Variants in ACOT7 observed in about 807,000 individuals in gnomAD.
ACOT7 encodes cytosolic acyl coenzyme A thioester hydrolase.
ACOT7 carries 12 observed loss-of-function variants against 40.2 expected under a neutral mutation model. The ratio of observed to expected loss-of-function variants is 0.30; its 90% confidence interval spans 0.19 to 0.48. The LOEUF (loss-of-function observed/expected upper bound fraction) is 0.48. Among genes scored for constraint, ACOT7 ranks in the 20% least tolerant of loss-of-function variants. The probability of loss-of-function intolerance (pLI) is 0.99; values close to 1 mark genes in which losing one functional copy is unlikely to be tolerated. For missense variants in ACOT7, 395 were observed against 530.8 expected (o/e 0.74, Z 2.51); for synonymous variants, 228 against 219.5 (o/e 1.04, Z -0.34).
rs1337091290 is a variant in ACOT7 at position 6,330,621 on chromosome 1, G to A, written c.510+2856C>T. On this transcript the variant is annotated intron_variant, in intron 4 of 8. Transcript: ENST00000361521. This position sits in a 1 kb window ranked among gnomAD's most constrained non-coding sequence, Gnocchi z 4.6. ...CAACTGGGAGCTCCTCCAGGATGTGGGAGGGAGGGAGCTAATTACTGGGCA... is the reference window on the plus strand; with the variant it reads ...CAACTGGGAGCTCCTCCAGGATGTGAGAGGGAGGGAGCTAATTACTGGGCA... 6.6e-6 allele frequency among the ~76,000 whole-genome samples: 1 copy of A among 152,202 alleles called. No individual in the cohort carries two copies. The highest frequency in any genetic ancestry group is 1.9e-4 in the East Asian group (1 of 5,186).
intron 8 of ACOT7, among the ~76,000 whole-genome samples, chr1:6,265,344 G>A (rs998820058): frequency 6.6e-6 from 1 of 152,212 alleles, no homozygotes; most frequent in Non-Finnish European, 1.5e-5. Context: ...CCAGCGAGAA[G>A]TGGGCAGATG....
rs576797933 is a variant in ACOT7, at chr1:6,305,454, C to T, written c.713-10474G>A. Among the ~76,000 whole-genome samples the T allele has an allele frequency of 6.9e-4, 105 of 151,602 alleles. 1 individual carries two copies. In the South Asian group the frequency reaches 0.02, roughly 29 times the overall value. On this transcript the variant is annotated intron_variant, in intron 6 of 8. Coordinates refer to ENST00000361521, the MANE Select transcript of ACOT7 (RefSeq NM_007274.4). ...GGACGGGGTGGCTGCCGGGTGGAGACGCTCCTCACTTCCCAGACGGGGTGG... is the reference window on the plus strand; with the variant it reads ...GGACGGGGTGGCTGCCGGGTGGAGATGCTCCTCACTTCCCAGACGGGGTGG...
At chr1:6,384,660 A>G (rs1476691180) in intron 1 of ACOT7, among the ~76,000 whole-genome samples, 1 of 151,754 alleles carries the variant, frequency 6.6e-6, no homozygotes, top group African/African-American at 2.4e-5. Flanking sequence ...GAAAGCGCTA[A>G]CCCGCTAATC....
intron 3 of ACOT7, among the ~76,000 whole-genome samples, chr1:6,336,550 G>C (rs925093662): frequency 3.4e-4 from 52 of 152,084 alleles, no homozygotes; most frequent in African/African-American, 1.3e-3. Flanking sequence ...AGGTAAAGGG[G>C]ACACACAGAA....
chr1:6,336,742 G>A (rs1174295906), intron 3 of ACOT7, among the ~76,000 whole-genome samples: 1 of 147,434 alleles, frequency 6.8e-6, no homozygotes, highest in African/African-American at 2.7e-5. Flanking sequence ...AGTGTGCCAG[G>A]CACTGTTCTT....
At chr1:6,353,506 C>A (rs1244342611) in intron 1 of ACOT7, among the ~76,000 whole-genome samples, 1 of 152,060 alleles carries the variant, frequency 6.6e-6, no homozygotes, top group Non-Finnish European at 1.5e-5. Context: ...TGGTGGTACA[C>A]ACCTGCAATC....
Position 6,350,388 on chromosome 1 carries a change from C to T in ACOT7, c.144-522G>A, listed in dbSNP as rs575682546. ...TCAGCAGGTGAGCGCCTGCCCACTG[C>T]GCGCTAAGCTCCTCTGTGGGTCCCG... On this transcript the variant is annotated intron_variant, in intron 1 of 8. Coordinates refer to ENST00000361521, the MANE Select transcript of ACOT7 (RefSeq NM_007274.4). 6.4e-4 allele frequency among the ~76,000 whole-genome samples: 97 copies of T among 152,346 alleles called. 2 individuals are homozygous for T. Among genetic ancestry groups the T allele is most frequent in the Admixed American group, 1.0e-3 (16 of 15,304 alleles).
intron 8 of ACOT7, among the ~76,000 whole-genome samples, chr1:6,266,153 C>T (rs1417602114): frequency 1.3e-5 from 2 of 152,204 alleles, no homozygotes; most frequent in African/African-American, 4.8e-5. Context: ...AAGTCCCTCC[C>T]GCTGCTACGG....
At chr1:6,349,956 G>A (rs1641542771) in intron 1 of ACOT7, 90 bp from the exon 2 acceptor site, 4 of 1,239,078 alleles carry the variant, frequency 3.2e-6, no homozygotes, top group Middle Eastern at 1.9e-4. Context: ...GGTCCCCAAA[G>A]GGCTCAATGG....
chr1:6,333,832 G>A (rs1027871298), intron 3 of ACOT7, among the ~76,000 whole-genome samples: 3 of 152,060 alleles, frequency 2.0e-5, no homozygotes, highest in African/African-American at 7.2e-5. Context: ...GCTGCGTGGG[G>A]CCCACCCCCA....
intron 2 of ACOT7, among the ~76,000 whole-genome samples, chr1:6,347,003 G>A (rs1641444717): frequency 6.6e-6 from 1 of 152,132 alleles, no homozygotes; most frequent in African/African-American, 2.4e-5. Context: ...TGCACATCAA[G>A]GCCAAGCAGG....
chr1:6,307,232 T>G (rs554006875), intron 6 of ACOT7, among the ~76,000 whole-genome samples: 10 of 152,180 alleles, frequency 6.6e-5, no homozygotes, highest in Non-Finnish European at 1.2e-4. Flanking sequence ...TAGAGAGCGG[T>G]CATTACGTGT....
chr1:6,307,989 G>A lies in ACOT7; in HGVS notation c.712+10503C>T, dbSNP rs144109217. ...AGGTGGAGGAAACTGCAACCAGGCA[G>A]AGGGAACCACAACCAGGCAGAGGGA... On this transcript the variant is annotated intron_variant, in intron 6 of 8. Coordinates refer to ENST00000361521, the MANE Select transcript of ACOT7 (RefSeq NM_007274.4). Among the ~76,000 whole-genome samples, 555 of 151,766 alleles carry A rather than the reference G, an allele frequency of 3.7e-3. 6 individuals carry two copies. The highest frequency in any genetic ancestry group is 0.013 in the African/African-American group (532 of 41,260).
chr1:6,332,161 T>C (rs2148436665), intron 4 of ACOT7, among the ~76,000 whole-genome samples: 1 of 152,338 alleles, frequency 6.6e-6, no homozygotes, highest in South Asian at 2.1e-4. Context: ...CTCAGTTTTA[T>C]TATTTCTAAA....
chr1:6,266,388 C>T (rs1638852673), intron 8 of ACOT7, among the ~76,000 whole-genome samples: 1 of 152,244 alleles, frequency 6.6e-6, no homozygotes, highest in South Asian at 2.1e-4. Flanking sequence ...CTGAAGACCT[C>T]TGTGCACACT....
intron 1 of ACOT7, among the ~76,000 whole-genome samples, chr1:6,361,753 C>T (rs1261884129): frequency 6.6e-6 from 1 of 152,054 alleles, no homozygotes; most frequent in Non-Finnish European, 1.5e-5. Context: ...GCCAAGATCA[C>T]GTCACTGCGT....
intron 5 of ACOT7, among the ~76,000 whole-genome samples, chr1:6,320,465 G>C (rs1239736250): frequency 1.3e-5 from 2 of 152,204 alleles, no homozygotes; most frequent in Non-Finnish European, 2.9e-5. Flanking sequence ...TAGTGGGGTA[G>C]ATTTCCTCCA....
chr1:6,282,666 G>A lies in ACOT7; in HGVS notation c.830-1380C>T, dbSNP rs895276062. On this transcript the variant is annotated intron_variant, in intron 7 of 8. Coordinates refer to ENST00000361521, the MANE Select transcript of ACOT7 (RefSeq NM_007274.4). This position sits in a 1 kb window ranked among gnomAD's most constrained non-coding sequence, Gnocchi z 4.5. ...GGTTAGCAGGCCAGAGGCAAGAGCGGTTATTCCATGTTAAAAAGTATCAGA... is the reference window on the plus strand; with the variant it reads ...GGTTAGCAGGCCAGAGGCAAGAGCGATTATTCCATGTTAAAAAGTATCAGA... The A allele has an allele frequency of 5.5e-6, 7 of 1,264,606 alleles. No homozygotes were observed. The highest frequency in any genetic ancestry group is 7.3e-6 in the Non-Finnish European group (7 of 953,880). 78.3% of individuals were successfully genotyped at this position (1,264,606 alleles called of 1,614,324 possible). A position where few individuals can be genotyped will look rare whatever the true frequency, so the allele number is the denominator to read the frequency against.
In ACOT7 at chr1:6,311,147, A is replaced by G. The variant is rs748586782; in HGVS notation, c.712+7345T>C. On this transcript the variant is annotated intron_variant, in intron 6 of 8. Transcript: ENST00000361521. This position sits in a 1 kb window ranked among gnomAD's most constrained non-coding sequence, Gnocchi z 5.2. ...CCACATGCTCCATCCTGTGCTTCCC[A>G]GTACCATGGGAGCTGAGCAAGCTCT... is the stretch of plus-strand genomic sequence containing the variant. Among the ~76,000 whole-genome samples, 2 of 152,202 alleles carry G rather than the reference A, an allele frequency of 1.3e-5. No homozygotes were observed. The highest frequency in any genetic ancestry group is 2.4e-5 in the African/African-American group (1 of 41,450).
Sources: allele counts gnomAD v4.1 joint callset (sites outside exome capture counted in the v4.1 genomes callset), GRCh38; gene constraint gnomAD v4.1.1; non-coding constraint Gnocchi (gnomAD v3.1); transcripts MANE v1.5; gene names NCBI Gene and HGNC (gene_info 2026-07-23, HGNC 2026-07-21).